Variants in OXR1 observed in about 807,000 individuals in gnomAD.
OXR1 encodes oxidation resistance protein 1.
In OXR1, 41 loss-of-function variants were observed where a neutral mutation model predicts 104.6. The observed-to-expected ratio is 0.39, with a 90% CI of 0.31 to 0.51. OXR1 has a LOEUF of 0.51. Ranked by LOEUF, OXR1 falls within the 20% of genes least tolerant of loss-of-function variation. OXR1 has a pLI of 0.77. For missense variants in OXR1, 955 were observed against 1,031.9 expected (o/e 0.93, Z 1.02); for synonymous variants, 348 against 348.4 (o/e 1.00, Z 0.01).
At chr8:106,608,835 A>C (rs1027860440) in intron 3 of OXR1, among the ~76,000 whole-genome samples, 7 of 152,206 alleles carry the variant, frequency 4.6e-5, no homozygotes, top group African/African-American at 1.7e-4. Context: ...TGGTCATGTT[A>C]GGTTTGGAAT....
Position 106,739,517 on chromosome 8 carries a change from G to A in OXR1, c.2097G>A (p.Glu699=), listed in dbSNP as rs1834729409. Residue 699 remains glutamate, a synonymous_variant, in exon 13 of 17, where the codon GAG becomes GAA. Coordinates refer to ENST00000517566, the MANE Select transcript of OXR1 (RefSeq NM_001198533.2). Reference sequence around the variant, plus strand: ...TTGCTACAGTGAAAGCAGACCTGGAGTCTGAATCTTTTCGACCAAACCTAA... The same window carrying A: ...TTGCTACAGTGAAAGCAGACCTGGAATCTGAATCTTTTCGACCAAACCTAA... ...KQVATVKADL[E]SESFRPNLSD... 1 of 1,613,280 alleles carries A rather than the reference G, an allele frequency of 6.2e-7. No homozygotes were observed. The highest frequency in any genetic ancestry group is 8.5e-7 in the Non-Finnish European group (1 of 1,179,412).
intron 3 of OXR1, among the ~76,000 whole-genome samples, chr8:106,652,532 AAAT>A (rs1824676795): frequency 6.6e-6 from 1 of 152,122 alleles, no homozygotes; most frequent in Admixed American, 6.5e-5. Context: ...CCAATGAGTC[AAAT>A]AATAAGTCAT....
chr8:106,584,196 T>G (rs1017456400), intron 3 of OXR1, among the ~76,000 whole-genome samples: 5 of 151,948 alleles, frequency 3.3e-5, no homozygotes, highest in Non-Finnish European at 7.4e-5. Flanking sequence ...AGGAAATGTT[T>G]CTGAAAGTAG....
chr8:106,463,047 A>G (rs1820993274), intron 2 of OXR1, among the ~76,000 whole-genome samples: 1 of 152,120 alleles, frequency 6.6e-6, no homozygotes. Context: ...CAATACCAGT[A>G]AATGGTTGAC....
At chr8:106,519,720 T>A (rs762569275) in intron 3 of OXR1, among the ~76,000 whole-genome samples, 16 of 152,186 alleles carry the variant, frequency 1.1e-4, no homozygotes, top group Non-Finnish European at 2.2e-4. Flanking sequence ...AGGCCCTTCA[T>A]AGGGAAGAGT....
intron 3 of OXR1, among the ~76,000 whole-genome samples, chr8:106,648,751 A>G (rs1236816303): frequency 6.6e-6 from 1 of 152,198 alleles, no homozygotes; most frequent in Non-Finnish European, 1.5e-5. Context: ...AGTAAATGTG[A>G]TGTAATTAAA....
At chr8:106,584,312 A>G (rs1818465986) in intron 3 of OXR1, among the ~76,000 whole-genome samples, 1 of 151,948 alleles carries the variant, frequency 6.6e-6, no homozygotes, top group South Asian at 2.1e-4. Flanking sequence ...ACTTAAAAAA[A>G]GAGAGGGGTG....
At chr8:106,646,122 T>C (rs371246646) in intron 3 of OXR1, among the ~76,000 whole-genome samples, 39 of 152,182 alleles carry the variant, frequency 2.6e-4, no homozygotes, top group African/African-American at 8.2e-4. Context: ...TTTTCTTTTT[T>C]TGAGACAGAG....
chr8:106,315,955 A>C lies in OXR1; in HGVS notation c.-138-43521A>C, dbSNP rs528907192. Among the ~76,000 whole-genome samples, 8 of 152,308 alleles carry C rather than the reference A, an allele frequency of 5.3e-5. No individual in the cohort carries two copies. The South Asian group carries it at 1.7e-3, about 32-fold the overall frequency. On this transcript the variant is annotated intron_variant, in intron 1 of 16. Transcript: ENST00000517566. ...GACATGAACTAAAGAATAATCATGAAATGTATTTCTTCAAAAGCCTTTAAA... is the reference window on the plus strand; with the variant it reads ...GACATGAACTAAAGAATAATCATGACATGTATTTCTTCAAAAGCCTTTAAA...
chr8:106,282,434 A>G lies in OXR1; in HGVS notation c.-139+12067A>G, dbSNP rs143952312. Among the ~76,000 whole-genome samples the G allele has an allele frequency of 3.4e-4, 52 of 152,284 alleles. 1 individual carries two copies. In the East Asian group the frequency reaches 6.5e-3, roughly 19 times the overall value. On this transcript the variant is annotated intron_variant, in intron 1 of 16. Coordinates refer to ENST00000517566, the MANE Select transcript of OXR1 (RefSeq NM_001198533.2). ...TTCAAGTATAGTTGACTCGAACAAT[A>G]TGAGAGTTAATGGTGCTGACCTGCC...
intron 11 of OXR1, among the ~76,000 whole-genome samples, chr8:106,737,245 A>G (rs1026151744): frequency 2.0e-5 from 3 of 152,164 alleles, no homozygotes; most frequent in African/African-American, 7.2e-5. Context: ...ATAAAAAACT[A>G]TAATTTCTAT....
chr8:106,719,792 C>A (rs1483063898), intron 11 of OXR1, among the ~76,000 whole-genome samples: 1 of 151,676 alleles, frequency 6.6e-6, no homozygotes, highest in Admixed American at 6.6e-5. Context: ...CAGATAATTT[C>A]TTTGTATTTT....
intron 1 of OXR1, among the ~76,000 whole-genome samples, chr8:106,299,899 G>A (rs1813158667): frequency 1.3e-5 from 2 of 152,150 alleles, no homozygotes; most frequent in Admixed American, 6.5e-5. Context: ...GGGAAGAGAC[G>A]GACACGTTGT....
In OXR1 at chr8:106,745,182, G is replaced by C. The variant is rs139317010; in HGVS notation, c.2413-607G>C. On this transcript the variant is annotated intron_variant, in intron 15 of 16. Coordinates refer to ENST00000517566, the MANE Select transcript of OXR1 (RefSeq NM_001198533.2). ...GTTGCTAGAAATTGCTACTATGTTA[G>C]GTTTAGGTAAAACACCCATAAAAGG... Among the ~76,000 whole-genome samples, 5 of 152,218 alleles carry C rather than the reference G, an allele frequency of 3.3e-5. No homozygotes were observed. In the East Asian group the frequency reaches 9.6e-4, roughly 29 times the overall value.
chr8:106,612,223 A>G (rs1820868641), intron 3 of OXR1, among the ~76,000 whole-genome samples: 1 of 152,158 alleles, frequency 6.6e-6, no homozygotes, highest in Non-Finnish European at 1.5e-5. Flanking sequence ...GTGTGAAAGA[A>G]ATGTAAATAC....
intron 3 of OXR1, among the ~76,000 whole-genome samples, chr8:106,548,772 G>A (rs1815573227): frequency 6.6e-6 from 1 of 152,112 alleles, no homozygotes; most frequent in South Asian, 2.1e-4. Context: ...CTATTGCTTT[G>A]TCATTTTCTA....
chr8:106,523,136 T>C (rs1813382996), intron 3 of OXR1, among the ~76,000 whole-genome samples: 1 of 152,216 alleles, frequency 6.6e-6, no homozygotes, highest in African/African-American at 2.4e-5. Flanking sequence ...CTTGCTTTTC[T>C]TGTCATGTGG....
chr8:106,632,850 G>A (rs1822806444), intron 3 of OXR1, among the ~76,000 whole-genome samples: 2 of 152,130 alleles, frequency 1.3e-5, no homozygotes, highest in African/African-American at 4.8e-5. Flanking sequence ...GAGGTGGGAG[G>A]CTCACTTGAG....
At chr8:106,555,440 T>G (rs867570412) in intron 3 of OXR1, among the ~76,000 whole-genome samples, 2 of 152,158 alleles carry the variant, frequency 1.3e-5, no homozygotes, top group Non-Finnish European at 1.5e-5. Context: ...GGAAGTATTA[T>G]ATGCTGTCTA....
Sources: allele counts gnomAD v4.1 joint callset (sites outside exome capture counted in the v4.1 genomes callset), GRCh38; gene constraint gnomAD v4.1.1; transcripts MANE v1.5; gene names NCBI Gene and HGNC (gene_info 2026-07-23, HGNC 2026-07-21).